Variants in PLAGL1 observed in about 807,000 individuals in gnomAD.
The protein encoded by PLAGL1 is PLAG1 like zinc finger 1, also known as zinc finger protein PLAGL1.
In PLAGL1, 1 loss-of-function variant was observed where a neutral mutation model predicts 4.6. That is an observed-to-expected ratio of 0.22 (90% CI 0.08 to 1.03). PLAGL1 has a LOEUF of 1.03. PLAGL1 is among the 50% of genes least tolerant of loss of function. PLAGL1 has a pLI of 0.58. For missense variants in PLAGL1, 464 were observed against 570.4 expected, an observed-to-expected ratio of 0.81 and a Z score of 1.90; for synonymous variants, 240 against 237.8, an observed-to-expected ratio of 1.01 and a Z score of -0.08.
rs1373016468 is a variant in PLAGL1 at position 143,959,609 on chromosome 6, T to A, written c.-325+860A>T. 6.6e-6 allele frequency among the ~76,000 whole-genome samples: 1 copy of A among 152,238 alleles called. No homozygotes were observed. Among genetic ancestry groups the A allele is most frequent in the Admixed American group, 6.5e-5 (1 of 15,288 alleles). On this transcript the variant is annotated intron_variant, in intron 6 of 7. Transcript: ENST00000674357. The surrounding 1 kb of genome is among the most constrained non-coding windows in gnomAD (Gnocchi z 5.3). The stretch of plus-strand genomic sequence containing the variant: ...TTTCAGTTGAGCTCATAAAGCTCTC[T>A]CATGCTATTCCAATAATTTCCATCT...
chr6:144,039,422 A>C lies in PLAGL1; in HGVS notation c.-151+25046T>G, dbSNP rs186417681. Among the ~76,000 whole-genome samples, 1,364 of 152,132 alleles carry C rather than the reference A, an allele frequency of 9.0e-3. 21 individuals are homozygous for C. Among genetic ancestry groups the C allele is most frequent in the African/African-American group, 0.031 (1,292 of 41,516 alleles). On this transcript the variant is annotated intron_variant, in intron 1 of 3. Transcript: ENST00000437412. This position sits in a 1 kb window ranked among gnomAD's most constrained non-coding sequence, Gnocchi z 4.1. ...CAACATGGCAAAACCCCATCTCTAC[A>C]AAAAAATACAAAAATTAGCTGGGCA...
upstream of PLAGL1, among the ~76,000 whole-genome samples, chr6:144,013,061 G>C (rs1034125454): frequency 2.0e-5 from 3 of 152,224 alleles, no homozygotes; most frequent in African/African-American, 2.4e-5. This position sits in a 1 kb window ranked among gnomAD's most constrained non-coding sequence, Gnocchi z 4.4. Flanking sequence ...CCCAAGGGTT[G>C]CCAGCGTGGT....
At position 144,050,563 on chromosome 6, in the gene PLAGL1, C is replaced by A. The variant is rs535735810; in HGVS notation, c.-151+13905G>T. On this transcript the variant is annotated intron_variant, in intron 1 of 3. Coordinates refer to the PLAGL1 transcript ENST00000437412. This position sits in a 1 kb window ranked among gnomAD's most constrained non-coding sequence, Gnocchi z 4.3. ...TATTCTAGGGAATAAATATCTTATT[C>A]CTGCCTTGCAAAGAATAAGCACATG... is the stretch of plus-strand genomic sequence containing the variant. 6.6e-6 allele frequency among the ~76,000 whole-genome samples: 1 copy of A among 152,186 alleles called. No individual in the cohort carries two copies. Among genetic ancestry groups the A allele is most frequent in the South Asian group, 2.1e-4 (1 of 4,818 alleles).
Position 144,045,856 on chromosome 6 carries a change from G to A in PLAGL1, c.-151+18612C>T, listed in dbSNP as rs146591885. 5.5e-4 allele frequency among the ~76,000 whole-genome samples: 83 copies of A among 152,222 alleles called. 1 individual carries two copies. Among genetic ancestry groups the A allele is most frequent in the African/African-American group, 1.9e-3 (77 of 41,520 alleles). On this transcript the variant is annotated intron_variant, in intron 1 of 3. Transcript: ENST00000437412. Reference sequence around the variant, plus strand: ...AACGTAGATTTGGTCTTTTCACATAGTCCCATATTTCTTGGAGGCTTTGTT... The same window carrying A: ...AACGTAGATTTGGTCTTTTCACATAATCCCATATTTCTTGGAGGCTTTGTT...
chr6:143,996,805 A>G (rs1791723223), intron 1 of PLAGL1, among the ~76,000 whole-genome samples: 1 of 152,140 alleles, frequency 6.6e-6, no homozygotes, highest in African/African-American at 2.4e-5. Flanking sequence ...AAAATTCCTC[A>G]AAAGATTCTA....
Position 143,945,903 on chromosome 6 carries a change from A to C in PLAGL1, c.152+2082T>G, listed in dbSNP as rs541171246. ...GGAAGGCGGTTCTTGCATAAAGTACACTGACAGCTTCCCTTTTTGCCTCTC... is the reference window on the plus strand; with the variant it reads ...GGAAGGCGGTTCTTGCATAAAGTACCCTGACAGCTTCCCTTTTTGCCTCTC... On this transcript the variant is annotated intron_variant, in intron 7 of 7. Transcript: ENST00000674357. The surrounding 1 kb of genome is among the most constrained non-coding windows in gnomAD (Gnocchi z 4.2). 6.6e-6 allele frequency among the ~76,000 whole-genome samples: 1 copy of C among 152,330 alleles called. No individual in the cohort carries two copies. The highest frequency in any genetic ancestry group is 1.9e-4 in the East Asian group (1 of 5,176).
chr6:144,010,992 A>G (rs559909481), upstream of PLAGL1, among the ~76,000 whole-genome samples: 2 of 152,198 alleles, frequency 1.3e-5, no homozygotes, highest in Non-Finnish European at 2.9e-5. The surrounding 1 kb of genome is among the most constrained non-coding windows in gnomAD (Gnocchi z 4.1). Context: ...CAGACCTAAA[A>G]CCATAAAAAG....
rs569927315 is a variant in PLAGL1 at position 143,972,492 on chromosome 6, T to C, written c.-543-3514A>G. Among the ~76,000 whole-genome samples the C allele has an allele frequency of 6.6e-6, 1 of 152,344 alleles. No homozygotes were observed. Among genetic ancestry groups the C allele is most frequent in the South Asian group, 2.1e-4 (1 of 4,832 alleles). On this transcript the variant is annotated intron_variant, in intron 2 of 7. Coordinates refer to ENST00000674357, the MANE Select transcript of PLAGL1 (RefSeq NM_001317162.2). The surrounding 1 kb of genome is among the most constrained non-coding windows in gnomAD (Gnocchi z 6.8). ...AAAAAGGTGGTAATTTTAAGATTTA[T>C]CAACTATTATAATGTCAGGCGCTAA...
In PLAGL1 at chr6:144,027,295, G is replaced by GAAAGAAAAA. The variant is rs1165154024; in HGVS notation, c.-151+37172_-151+37173insTTTTTCTTT. Among the ~76,000 whole-genome samples, 1 of 148,076 alleles carries GAAAGAAAAA rather than the reference G, an allele frequency of 6.8e-6. No individual in the cohort carries two copies. Among genetic ancestry groups the GAAAGAAAAA allele is most frequent in the Non-Finnish European group, 1.5e-5 (1 of 66,406 alleles). On this transcript the variant is annotated intron_variant, in intron 1 of 3. Coordinates refer to the PLAGL1 transcript ENST00000437412. The surrounding 1 kb of genome is among the most constrained non-coding windows in gnomAD (Gnocchi z 5.8). ...AGAAAGAAAGAAAGAAAGAAAGAAA[G>GAAAGAAAAA]TTATTTGATCTGAAGTACAATGTCT...
chr6:144,012,305 C>T (rs889044081), upstream of PLAGL1, among the ~76,000 whole-genome samples: 4 of 152,066 alleles, frequency 2.6e-5, no homozygotes, highest in African/African-American at 9.7e-5. This position sits in a 1 kb window ranked among gnomAD's most constrained non-coding sequence, Gnocchi z 4.8. Context: ...ACCTGCCTCC[C>T]GGGTTCAAGC....
At chr6:144,001,491 A>G (rs1402248181) in intron 1 of PLAGL1, among the ~76,000 whole-genome samples, 1 of 152,202 alleles carries the variant, frequency 6.6e-6, no homozygotes, top group Non-Finnish European at 1.5e-5. Flanking sequence ...TCCATTGAAC[A>G]CTAAAATTAT....
chr6:143,989,437 T>G lies in PLAGL1; in HGVS notation c.-583-4263A>C, dbSNP rs570272464. ...TATGGGCTGGCATCATCCAATCCACTGAGGGCCCGAATAGAACAAAAAGGT... is the reference window on the plus strand; with the variant it reads ...TATGGGCTGGCATCATCCAATCCACGGAGGGCCCGAATAGAACAAAAAGGT... On this transcript the variant is annotated intron_variant, in intron 1 of 7. Coordinates refer to ENST00000674357, the MANE Select transcript of PLAGL1 (RefSeq NM_001317162.2). This position sits in a 1 kb window ranked among gnomAD's most constrained non-coding sequence, Gnocchi z 4.8. 6.6e-6 allele frequency among the ~76,000 whole-genome samples: 1 copy of G among 152,306 alleles called. No individual in the cohort carries two copies. Among genetic ancestry groups the G allele is most frequent in the Non-Finnish European group, 1.5e-5 (1 of 68,026 alleles).
At chr6:144,010,874 A>C (rs1795126346), upstream of PLAGL1, among the ~76,000 whole-genome samples, 1 of 152,236 alleles carries the variant, frequency 6.6e-6, no homozygotes, top group African/African-American at 2.4e-5. The surrounding 1 kb of genome is among the most constrained non-coding windows in gnomAD (Gnocchi z 4.1). Flanking sequence ...CTAGTTAATA[A>C]ATGGTGTTGG....
Position 143,983,763 on chromosome 6 carries a change from A to C in PLAGL1, c.-544+1372T>G, listed in dbSNP as rs1788456747. Among the ~76,000 whole-genome samples the C allele has an allele frequency of 6.6e-6, 1 of 152,232 alleles. No homozygotes were observed. The highest frequency in any genetic ancestry group is 1.9e-4 in the East Asian group (1 of 5,180). On this transcript the variant is annotated intron_variant, in intron 2 of 7. Transcript: ENST00000674357. The surrounding 1 kb of genome is among the most constrained non-coding windows in gnomAD (Gnocchi z 6.6). ...AAAGTTGTATGTCTAGGTGGAGTTAAAAATGTGTTGGAGTGGGAGGACAGA... is the reference window on the plus strand; with the variant it reads ...AAAGTTGTATGTCTAGGTGGAGTTACAAATGTGTTGGAGTGGGAGGACAGA...
intron 1 of PLAGL1, among the ~76,000 whole-genome samples, chr6:144,014,589 G>T (rs540095754): frequency 1.1e-4 from 16 of 151,956 alleles, no homozygotes; most frequent in Non-Finnish European, 2.4e-4. Flanking sequence ...TTGTTTGTTT[G>T]TTTGTTTGGA....
At chr6:144,041,873 T>C (rs1275476744) in intron 1 of PLAGL1, among the ~76,000 whole-genome samples, 1 of 152,224 alleles carries the variant, frequency 6.6e-6, no homozygotes, top group African/African-American at 2.4e-5. Flanking sequence ...TGATCACCAT[T>C]CTAACTGGTG....
At position 143,953,400 on chromosome 6, in the gene PLAGL1, A is replaced by G. The variant is rs1398467513; in HGVS notation, c.-324-4940T>C. Among the ~76,000 whole-genome samples the G allele has an allele frequency of 1.3e-5, 2 of 152,244 alleles. No homozygotes were observed. The highest frequency in any genetic ancestry group is 4.8e-5 in the African/African-American group (2 of 41,456). On this transcript the variant is annotated intron_variant, in intron 6 of 7. Coordinates refer to ENST00000674357, the MANE Select transcript of PLAGL1 (RefSeq NM_001317162.2). This position sits in a 1 kb window ranked among gnomAD's most constrained non-coding sequence, Gnocchi z 5.3. ...CTAAGCTCTTACTTTCTAAGAAATG[A>G]GGCTTAAGATAAACAAGAAAGACAA...
In PLAGL1 at chr6:144,015,369, A is replaced by AT. The variant is rs2128692857; in HGVS notation, c.-150-46392dup. On this transcript the variant is annotated intron_variant, in intron 1 of 3. Coordinates refer to the PLAGL1 transcript ENST00000437412. The surrounding 1 kb of genome is among the most constrained non-coding windows in gnomAD (Gnocchi z 4.3). ...CACTGTTTTAGAAGAAAACCTAGGG[A>AT]TAGGCAGAGACTGGCTGGACAGGAC... Among the ~76,000 whole-genome samples the AT allele has an allele frequency of 6.6e-6, 1 of 152,346 alleles. No individual in the cohort carries two copies. The highest frequency in any genetic ancestry group is 2.1e-4 in the South Asian group (1 of 4,828).
At chr6:144,040,249 C>T (rs1184857780) in intron 1 of PLAGL1, among the ~76,000 whole-genome samples, 1 of 152,258 alleles carries the variant, frequency 6.6e-6, no homozygotes, top group East Asian at 1.9e-4. Flanking sequence ...AAGGTCTAGG[C>T]CAGGCACGGT....
Sources: allele counts gnomAD v4.1 joint callset (sites outside exome capture counted in the v4.1 genomes callset), GRCh38; gene constraint gnomAD v4.1.1; non-coding constraint Gnocchi (gnomAD v3.1); transcripts MANE v1.5; gene names NCBI Gene and HGNC (gene_info 2026-07-23, HGNC 2026-07-21).